RBX1: variants seen among roughly 807,000 people sequenced by gnomAD.
RBX1 encodes the protein ring-box 1, also known as E3 ubiquitin-protein ligase RBX1.
For synonymous variants in RBX1, 48 were observed against 47.9 expected (o/e 1.00, Z -0.01); for missense variants, 46 against 141.4 (o/e 0.33, Z 3.42).
At chr22:40,960,107 CTG>C (rs1167500203) in intron 2 of RBX1, among the ~76,000 whole-genome samples, 2 of 151,474 alleles carry the variant, frequency 1.3e-5, no homozygotes, top group African/African-American at 4.9e-5. Context: ...CAGAGCGAGA[CTG>C]TCTAAAAAAA....
At chr22:40,965,448 G>GTT (rs917351753) in intron 3 of RBX1, among the ~76,000 whole-genome samples, 4 of 134,356 alleles carry the variant, frequency 3.0e-5, no homozygotes, top group Non-Finnish European at 3.2e-5. Context: ...TTTGTTTTTT[G>GTT]TTTTTTTTTT....
chr22:40,952,635 C>T (rs1307981527), intron 1 of RBX1, among the ~76,000 whole-genome samples: 1 of 152,174 alleles, frequency 6.6e-6, no homozygotes, highest in Non-Finnish European at 1.5e-5. Context: ...TTCTGTTAAA[C>T]TCTTACTGGA....
chr22:40,969,052 G>A (rs549885230), intron 4 of RBX1, among the ~76,000 whole-genome samples: 69 of 151,760 alleles, frequency 4.5e-4, no homozygotes, highest in African/African-American at 1.5e-3. Flanking sequence ...GGTGGCTCAC[G>A]CCTGTAATCC....
At position 40,952,401 on chromosome 22, in the gene RBX1, A is replaced by G. The variant is rs539701341; in HGVS notation, c.78+925A>G. ...TAGAACATCTGGCTAAACACTGACA[A>G]TATCCCCCGTCCTAGTGCTTTTTGG... On this transcript the variant is annotated intron_variant, in intron 1 of 4. Transcript: ENST00000216225. Among the ~76,000 whole-genome samples the G allele has an allele frequency of 7.2e-5, 11 of 152,332 alleles. No individual in the cohort carries two copies. In the South Asian group the frequency reaches 2.1e-3, roughly 29 times the overall value.
intron 2 of RBX1, among the ~76,000 whole-genome samples, chr22:40,956,557 G>T (rs960399667): frequency 6.6e-6 from 1 of 151,596 alleles, no homozygotes; most frequent in Non-Finnish European, 1.5e-5. Flanking sequence ...CACCATGTTG[G>T]CCAGGCTGGT....
intron 2 of RBX1, among the ~76,000 whole-genome samples, chr22:40,961,081 CTTTTTTTTTTTTTT>C (rs61092253): frequency 1.9e-5 from 2 of 107,666 alleles, no homozygotes; most frequent in Non-Finnish European, 3.8e-5. Context: ...CGTGCCTGGC[CTTTTTTTTTTTTTT>C]TTTTTTTTTG....
chr22:40,963,603 T>C (rs1427938385), intron 2 of RBX1, among the ~76,000 whole-genome samples: 1 of 152,118 alleles, frequency 6.6e-6, no homozygotes, highest in African/African-American at 2.4e-5. Flanking sequence ...GCTATTGCAC[T>C]TCAGCCTGGG....
At chr22:40,967,908 C>A (rs781041078) in intron 4 of RBX1, 24 bp downstream of exon 4, 8 of 1,548,960 alleles carry the variant, frequency 5.2e-6, no homozygotes, top group Non-Finnish European at 7.1e-6. Flanking sequence ...GTTGTTTTGA[C>A]GGGGCTTTTT....
chr22:40,952,266 T>C (rs1032660258), intron 1 of RBX1, among the ~76,000 whole-genome samples: 1 of 152,236 alleles, frequency 6.6e-6, no homozygotes, highest in Non-Finnish European at 1.5e-5. Flanking sequence ...ACGTGTCTTT[T>C]TGCATGAAAT....
chr22:40,968,650 A>G (rs1388968856), intron 4 of RBX1, among the ~76,000 whole-genome samples: 1 of 152,142 alleles, frequency 6.6e-6, no homozygotes, highest in African/African-American at 2.4e-5. Context: ...AAAAATTTAA[A>G]TGGTTGAAAG....
At chr22:40,952,146 A>G (rs2058312865) in intron 1 of RBX1, among the ~76,000 whole-genome samples, 1 of 152,134 alleles carries the variant, frequency 6.6e-6, no homozygotes, top group Admixed American at 6.5e-5. Context: ...ATAATAATAA[A>G]AAGCATGGTG....
chr22:40,957,787 CTAAG>C (rs2058329655), intron 2 of RBX1, among the ~76,000 whole-genome samples: 1 of 152,040 alleles, frequency 6.6e-6, no homozygotes, highest in African/African-American at 2.4e-5. Context: ...ACCTCAGCCT[CTAAG>C]TAGCTGGGAC....
In RBX1 at chr22:40,972,672, T is replaced by C. The variant is rs1055773311; in HGVS notation, c.*184T>C. ...TCCAGTTGGATTCTGGAACGGATGCTCTCTCTTGTGTATGTGAACAAAGTG... is the reference window on the plus strand; with the variant it reads ...TCCAGTTGGATTCTGGAACGGATGCCCTCTCTTGTGTATGTGAACAAAGTG... On this transcript the variant is annotated 3_prime_UTR_variant, in exon 5 of 5. Transcript: ENST00000216225. 3 of 571,788 alleles carry C rather than the reference T, an allele frequency of 5.2e-6. No individual in the cohort carries two copies. Among genetic ancestry groups the C allele is most frequent in the African/African-American group, 1.9e-5 (1 of 53,166 alleles). The allele number at this position is 571,788 out of a possible 1,614,324, so 35.4% of individuals were successfully genotyped here. A position where few individuals can be genotyped will look rare whatever the true frequency, so the allele number is the denominator to read the frequency against.
chr22:40,951,841 A>G (rs747636330), intron 1 of RBX1, among the ~76,000 whole-genome samples: 1 of 151,962 alleles, frequency 6.6e-6, no homozygotes, highest in African/African-American at 2.4e-5. Context: ...GTCGAAGCGA[A>G]TGCGGCGGTG....
chr22:40,951,585 C>T (rs919212874), intron 1 of RBX1, 109 bp downstream of exon 1: 13 of 1,042,042 alleles, frequency 1.2e-5, no homozygotes, highest in Admixed American at 2.5e-5. Flanking sequence ...TCAGGGCGTT[C>T]CTGGGACCGG....
At chr22:40,966,380 T>A (rs1029597559) in intron 3 of RBX1, 1 of 152,244 alleles carries the variant, frequency 6.6e-6, no homozygotes, top group Admixed American at 6.5e-5. Flanking sequence ...CAGGACACCG[T>A]ACTGCTGCAA....
At chr22:40,958,554 G>C (rs554645125) in intron 2 of RBX1, among the ~76,000 whole-genome samples, 6 of 152,198 alleles carry the variant, frequency 3.9e-5, no homozygotes, top group African/African-American at 1.4e-4. Flanking sequence ...AGTCCATATT[G>C]ATTCTGCATG....
chr22:40,952,188 T>C (rs1042724269), intron 1 of RBX1, among the ~76,000 whole-genome samples: 1 of 152,182 alleles, frequency 6.6e-6, no homozygotes, highest in Non-Finnish European at 1.5e-5. Flanking sequence ...GCCCAAATCC[T>C]GTGGCAGTTA....
At chr22:40,951,523 A>G (rs769996544) in intron 1 of RBX1, 47 bp downstream of exon 1, 1 of 1,580,656 alleles carries the variant, frequency 6.3e-7, no homozygotes, top group Non-Finnish European at 8.6e-7. Context: ...AGAGGCGCGG[A>G]TCTGGCTGGC....
Sources: gnomAD v4.1 joint callset for allele counts (sites outside exome capture counted in the v4.1 genomes callset) on GRCh38, gnomAD v4.1.1 for gene constraint, MANE v1.5 for transcripts, NCBI Gene and HGNC (gene_info 2026-07-23, HGNC 2026-07-21) for gene names.